Variants in BRINP3 observed in about 807,000 individuals in gnomAD.
BRINP3 encodes BMP/retinoic acid-inducible neural-specific protein 3.
Under a neutral mutation model 71.0 loss-of-function variants are expected in BRINP3, and 19 were observed. The ratio of observed to expected loss-of-function variants is 0.27; its 90% CI spans 0.19 to 0.39. The LOEUF (loss-of-function observed/expected upper bound fraction) is 0.39, where lower values mean the gene tolerates loss of function less well. BRINP3 is among the 10% of genes least tolerant of loss of function. The pLI, the probability that BRINP3 is intolerant of heterozygous loss-of-function variation, is 1.00. For synonymous variants in BRINP3, 380 were observed against 337.7 expected (o/e 1.13, Z -1.37); for missense variants, 959 against 940.8 (o/e 1.02, Z -0.25).
At chr1:190,291,520 A>G (rs1663864554) in intron 2 of BRINP3, among the ~76,000 whole-genome samples, 1 of 152,162 alleles carries the variant, frequency 6.6e-6, no homozygotes, top group Admixed American at 6.6e-5. Context: ...TTCTCAAAAG[A>G]AGATCTAAAA....
intron 4 of BRINP3, among the ~76,000 whole-genome samples, chr1:190,238,634 C>T (rs1658756830): frequency 1.3e-5 from 2 of 152,090 alleles, no homozygotes; most frequent in South Asian, 4.1e-4. Context: ...CCAGACGATG[C>T]CAAGTGGTGA....
intron 2 of BRINP3, among the ~76,000 whole-genome samples, chr1:190,310,145 T>G (rs1665414945): frequency 6.6e-6 from 1 of 151,340 alleles, no homozygotes; most frequent in African/African-American, 2.4e-5. Context: ...ACTAAACTGA[T>G]GTTTCCCCTT....
chr1:190,254,697 T>C (rs1217528892), intron 4 of BRINP3, among the ~76,000 whole-genome samples: 1 of 152,216 alleles, frequency 6.6e-6, no homozygotes. Flanking sequence ...GTTTTCTAAA[T>C]ATACAATCAT....
intron 2 of BRINP3, among the ~76,000 whole-genome samples, chr1:190,412,607 T>C (rs918254977): frequency 9.4e-5 from 14 of 149,252 alleles, no homozygotes; most frequent in East Asian, 7.9e-4. Flanking sequence ...GGACTACAGG[T>C]GCCCGCCACT....
At chr1:190,338,730 T>C (rs1370087630) in intron 2 of BRINP3, among the ~76,000 whole-genome samples, 1 of 151,908 alleles carries the variant, frequency 6.6e-6, no homozygotes, top group East Asian at 1.9e-4. Flanking sequence ...TCTTATACTA[T>C]CCAAGACCTC....
At chr1:190,402,880 G>T (rs993930745) in intron 2 of BRINP3, among the ~76,000 whole-genome samples, 3 of 152,000 alleles carry the variant, frequency 2.0e-5, no homozygotes, top group African/African-American at 7.2e-5. Flanking sequence ...GCACAAGCCA[G>T]CATGCCCAGG....
At chr1:190,374,575 A>G (rs1248109493) in intron 2 of BRINP3, among the ~76,000 whole-genome samples, 2 of 152,118 alleles carry the variant, frequency 1.3e-5, no homozygotes, top group Admixed American at 1.3e-4. Flanking sequence ...AACTTATACA[A>G]ACAATCAAAG....
chr1:190,323,445 G>C (rs947106463), intron 2 of BRINP3, among the ~76,000 whole-genome samples: 1 of 151,832 alleles, frequency 6.6e-6, no homozygotes, highest in Non-Finnish European at 1.5e-5. Context: ...ATTTACAAAA[G>C]AAGATATGAA....
intron 3 of BRINP3, 150 bp downstream of exon 3, chr1:190,281,410 A>C: frequency 1.4e-6 from 1 of 727,106 alleles, no homozygotes; most frequent in Non-Finnish European, 2.2e-6. Context: ...TGGGACATTT[A>C]ATAATCACTC....
intron 7 of BRINP3, among the ~76,000 whole-genome samples, chr1:190,141,001 C>A (rs1056481410): frequency 1.3e-5 from 2 of 152,106 alleles, no homozygotes; most frequent in Non-Finnish European, 2.9e-5. Context: ...AGGAACTTGA[C>A]CAGTTGTACC....
chr1:190,319,780 A>G (rs750317074), intron 2 of BRINP3, among the ~76,000 whole-genome samples: 33 of 152,056 alleles, frequency 2.2e-4, no homozygotes, highest in Non-Finnish European at 3.8e-4. Flanking sequence ...ATCACCTCCC[A>G]GCAGACCCCA....
Position 190,216,222 on chromosome 1 carries a change from C to T in BRINP3, c.961+9860G>A, listed in dbSNP as rs552285820. Among the ~76,000 whole-genome samples, 16 of 151,834 alleles carry T rather than the reference C, an allele frequency of 1.1e-4. No homozygotes were observed. The South Asian group carries it at 3.3e-3, about 31-fold the overall frequency. On this transcript the variant is annotated intron_variant, in intron 6 of 7. Coordinates refer to ENST00000367462, the MANE Select transcript of BRINP3 (RefSeq NM_199051.3). ...AATCCTTGATCCACATCTGGGTAGA[C>T]ATTGTCTAAGTAATGTCCAACAAAA...
chr1:190,389,996 A>AT (rs1671151578), intron 2 of BRINP3, among the ~76,000 whole-genome samples: 1 of 151,844 alleles, frequency 6.6e-6, no homozygotes. Flanking sequence ...TTATGGGAAC[A>AT]ATAAACACAT....
chr1:190,170,572 A>T (rs896730104), intron 6 of BRINP3, among the ~76,000 whole-genome samples: 1 of 152,150 alleles, frequency 6.6e-6, no homozygotes, highest in Non-Finnish European at 1.5e-5. Flanking sequence ...TGGGTAAAAA[A>T]CAGTTGAAAT....
chr1:190,249,489 A>T (rs1659920159), intron 4 of BRINP3, among the ~76,000 whole-genome samples: 1 of 151,916 alleles, frequency 6.6e-6, no homozygotes. Flanking sequence ...AAATTAATAG[A>T]TTTTTCAAAT....
intron 1 of BRINP3, among the ~76,000 whole-genome samples, chr1:190,463,342 C>T (rs1467374924): frequency 6.6e-6 from 1 of 151,214 alleles, no homozygotes; most frequent in Non-Finnish European, 1.5e-5. Flanking sequence ...TGTTCCCATA[C>T]AATAGATAAT....
At chr1:190,234,558 ATAT>A (rs1658336209) in intron 4 of BRINP3, 81 bp from the exon 5 acceptor site, 1 of 1,001,520 alleles carries the variant, frequency 1.0e-6, no homozygotes, top group South Asian at 1.5e-5. Flanking sequence ...TCACACACTA[ATAT>A]TATACGTTTG....
intron 2 of BRINP3, among the ~76,000 whole-genome samples, chr1:190,435,301 T>G (rs1257941572): frequency 6.6e-6 from 1 of 152,070 alleles, no homozygotes; most frequent in African/African-American, 2.4e-5. Flanking sequence ...TACTTCAAAC[T>G]TTTGACACTT....
chr1:190,469,570 T>C lies in BRINP3; in HGVS notation c.-51+7878A>G, dbSNP rs956242146. ...TATAATTATTTAAGAAGTGTTCATG[T>C]CTGAAAAAAACAGTATTTCTTCTGT... On this transcript the variant is annotated intron_variant, in intron 1 of 7. Coordinates refer to ENST00000367462, the MANE Select transcript of BRINP3 (RefSeq NM_199051.3). 4.6e-5 allele frequency among the ~76,000 whole-genome samples: 7 copies of C among 151,108 alleles called. No individual in the cohort carries two copies. The South Asian group carries it at 1.0e-3, about 22-fold the overall frequency.
Sources: gnomAD v4.1 joint callset for allele counts (sites outside exome capture counted in the v4.1 genomes callset) on GRCh38, gnomAD v4.1.1 for gene constraint, MANE v1.5 for transcripts, NCBI Gene and HGNC (gene_info 2026-07-23, HGNC 2026-07-21) for gene names.